SPIDR: variants seen among roughly 807,000 people sequenced by gnomAD.
SPIDR encodes the protein DNA repair-scaffolding protein.
A neutral mutation model predicts 104.6 loss-of-function variants in SPIDR; 93 were observed. The observed-to-expected ratio is 0.89, with a 90% CI of 0.75 to 1.06. The LOEUF is 1.06. SPIDR is among the 50% of genes least tolerant of loss of function. SPIDR has a pLI of 0.00. For synonymous variants in SPIDR, 431 were observed against 416.9 expected, an observed-to-expected ratio of 1.03 and a Z score of -0.41; for missense variants, 1,154 against 1,111.2, an observed-to-expected ratio of 1.04 and a Z score of -0.55.
intron 11 of SPIDR, among the ~76,000 whole-genome samples, chr8:47,694,806 A>G (rs1563569398): frequency 6.6e-6 from 1 of 152,086 alleles, no homozygotes; most frequent in Non-Finnish European, 1.5e-5. Flanking sequence ...ATGAGGGCCC[A>G]AAGAGGTTTT....
At chr8:47,542,351 A>G (rs1411825315) in intron 8 of SPIDR, among the ~76,000 whole-genome samples, 1 of 152,058 alleles carries the variant, frequency 6.6e-6, no homozygotes, top group Non-Finnish European at 1.5e-5. Flanking sequence ...GGCAAATCCG[A>G]GGAGACCCTG....
intron 5 of SPIDR, among the ~76,000 whole-genome samples, chr8:47,359,862 T>C (rs1157988256): frequency 6.6e-6 from 1 of 152,228 alleles, no homozygotes; most frequent in East Asian, 1.9e-4. Flanking sequence ...AAGTATTGGC[T>C]TCCATGCTGT....
In SPIDR at chr8:47,526,611, T is replaced by C. The variant is rs189921134; in HGVS notation, c.1098-69200T>C. Among the ~76,000 whole-genome samples, 356 of 152,286 alleles carry C rather than the reference T, an allele frequency of 2.3e-3. 1 individual carries two copies. The highest frequency in any genetic ancestry group is 6.4e-3 in the African/African-American group (266 of 41,556). On this transcript the variant is annotated intron_variant, in intron 8 of 19. Coordinates refer to ENST00000297423, the MANE Select transcript of SPIDR (RefSeq NM_001080394.4). ...AACCAAATGTACAGAAATGAAACCGTTCAGGAGATTCCCAGAGCTAACTGC... is the reference window on the plus strand; with the variant it reads ...AACCAAATGTACAGAAATGAAACCGCTCAGGAGATTCCCAGAGCTAACTGC...
chr8:47,605,568 G>A (rs976527896), intron 10 of SPIDR, among the ~76,000 whole-genome samples: 6 of 152,200 alleles, frequency 3.9e-5, no homozygotes, highest in African/African-American at 1.4e-4. Context: ...ATAGAGGCTG[G>A]TGGTTTAATG....
intron 7 of SPIDR, among the ~76,000 whole-genome samples, chr8:47,416,810 GTTCCCC>G (rs1322158626): frequency 1.1e-4 from 16 of 150,118 alleles, no homozygotes; most frequent in African/African-American, 3.7e-4. Context: ...GGTGTGTGAT[GTTCCCC>G]TTCCTGTGTC....
chr8:47,411,265 C>T (rs575579601), intron 7 of SPIDR, among the ~76,000 whole-genome samples: 1 of 152,352 alleles, frequency 6.6e-6, no homozygotes, highest in East Asian at 1.9e-4. Flanking sequence ...AACTAGTTTA[C>T]AGTCCCACCA....
At chr8:47,660,446 C>A in intron 10 of SPIDR, 1 of 985,412 alleles carries the variant, frequency 1.0e-6, no homozygotes, top group Non-Finnish European at 1.2e-6. Context: ...ATGGTCCAGG[C>A]CTCACCCTCA....
intron 5 of SPIDR, among the ~76,000 whole-genome samples, chr8:47,355,271 T>TA (rs34902790): frequency 0.15 from 17,622 of 116,504 alleles, 1,984 homozygotes; most frequent in African/African-American, 0.34. Context: ...AGGTTTTTTG[T>TA]AAAAAAAAAA....
intron 8 of SPIDR, among the ~76,000 whole-genome samples, chr8:47,501,948 ATTGAT>A (rs2080533843): frequency 6.6e-6 from 1 of 152,124 alleles, no homozygotes; most frequent in South Asian, 2.1e-4. Context: ...GATTATGTTT[ATTGAT>A]TTGTGTATGT....
At chr8:47,451,913 T>A (rs1411948485) in intron 8 of SPIDR, among the ~76,000 whole-genome samples, 3 of 152,062 alleles carry the variant, frequency 2.0e-5, no homozygotes, top group Non-Finnish European at 4.4e-5. Context: ...AAACACATAA[T>A]CAGCCCTGGT....
chr8:47,384,694 C>G (rs1489150155), intron 5 of SPIDR, among the ~76,000 whole-genome samples: 1 of 152,188 alleles, frequency 6.6e-6, no homozygotes, highest in Non-Finnish European at 1.5e-5. Context: ...CGGGGCTTCC[C>G]TCACACCCCT....
intron 8 of SPIDR, among the ~76,000 whole-genome samples, chr8:47,510,055 G>A (rs2082080066): frequency 6.6e-6 from 1 of 152,068 alleles, no homozygotes; most frequent in South Asian, 2.1e-4. Flanking sequence ...CTCAAATACA[G>A]CAATTTTTTT....
At chr8:47,389,307 T>C (rs1332700234) in intron 5 of SPIDR, among the ~76,000 whole-genome samples, 2 of 152,156 alleles carry the variant, frequency 1.3e-5, no homozygotes, top group Non-Finnish European at 2.9e-5. Context: ...AATGTAAGTG[T>C]TTTAAAAGAA....
chr8:47,628,115 G>C (rs1311347499), intron 10 of SPIDR, among the ~76,000 whole-genome samples: 1 of 152,144 alleles, frequency 6.6e-6, no homozygotes, highest in Admixed American at 6.5e-5. Flanking sequence ...AAACAAACGA[G>C]AGACTCAAAA....
intron 7 of SPIDR, among the ~76,000 whole-genome samples, chr8:47,411,168 T>C (rs1336800201): frequency 1.3e-5 from 2 of 152,228 alleles, no homozygotes; most frequent in Admixed American, 6.5e-5. Flanking sequence ...CCTTTGGGTA[T>C]ATACCCAGTA....
In SPIDR at chr8:47,592,619, C is replaced by T. The variant is rs1291212708; in HGVS notation, c.1098-3192C>T. The T allele has an allele frequency of 3.5e-6, 4 of 1,153,632 alleles. No individual in the cohort carries two copies. In the African/African-American group the frequency reaches 4.6e-5, roughly 13 times the overall value. The allele number at this position is 1,153,632 out of a possible 1,614,324, so 71.5% of individuals were successfully genotyped here. A position where few individuals can be genotyped will look rare whatever the true frequency, so the allele number is the denominator to read the frequency against. On this transcript the variant is annotated intron_variant, in intron 8 of 19. Coordinates refer to ENST00000297423, the MANE Select transcript of SPIDR (RefSeq NM_001080394.4). ...GGGCAGCCCTGCCATCTTATCAGAA[C>T]CCGAGTTCGGCCTCTGGTCTAGTCT...
intron 8 of SPIDR, among the ~76,000 whole-genome samples, chr8:47,444,956 T>C (rs1034160174): frequency 2.0e-5 from 3 of 152,240 alleles, no homozygotes. Flanking sequence ...ACTTCAGATA[T>C]TGTTTCAAAG....
chr8:47,598,839 G>A lies in SPIDR; in HGVS notation c.1294-107G>A, dbSNP rs1193861071. 2.2e-5 allele frequency: 31 copies of A among 1,401,922 alleles called. No homozygotes were observed. In the East Asian group the frequency reaches 6.4e-4, roughly 29 times the overall value. The allele number at this position is 1,401,922 out of a possible 1,614,324, so 86.8% of individuals were successfully genotyped here. A position where few individuals can be genotyped will look rare whatever the true frequency, so the allele number is the denominator to read the frequency against. On this transcript the variant is annotated intron_variant, in intron 9 of 19. Coordinates refer to ENST00000297423, the MANE Select transcript of SPIDR (RefSeq NM_001080394.4). ...CTTCAGTGTAGTGCAGATCCATTGG[G>A]TGGCTGCTTAAGGATGTCATTATTT... is the stretch of plus-strand genomic sequence containing the variant.
intron 6 of SPIDR, among the ~76,000 whole-genome samples, chr8:47,401,864 G>T (rs1374003999): frequency 6.6e-6 from 1 of 152,160 alleles, no homozygotes; most frequent in Non-Finnish European, 1.5e-5. Context: ...AAGAGACTTA[G>T]ACTCCCACAC....
Sources: allele counts gnomAD v4.1 joint callset (sites outside exome capture counted in the v4.1 genomes callset), GRCh38; gene constraint gnomAD v4.1.1; transcripts MANE v1.5; gene names NCBI Gene and HGNC (gene_info 2026-07-23, HGNC 2026-07-21).